SUGCT: variants seen among roughly 807,000 people sequenced by gnomAD.
SUGCT encodes succinyl-CoA:glutarate CoA-transferase.
In SUGCT, 41 loss-of-function variants were observed where a neutral mutation model predicts 55.0. The ratio of observed to expected loss-of-function variants is 0.74; its 90% CI spans 0.58 to 0.97. The LOEUF (loss-of-function observed/expected upper bound fraction) is 0.97. Ranked by LOEUF, SUGCT falls within the 50% of genes least tolerant of loss-of-function variation. The pLI, the probability that SUGCT is intolerant of heterozygous loss-of-function variation, is 0.00. For synonymous variants in SUGCT, 187 were observed against 200.4 expected, an observed-to-expected ratio of 0.93 and a Z score of 0.56; for missense variants, 568 against 547.8, an observed-to-expected ratio of 1.04 and a Z score of -0.37.
At chr7:40,847,411 CTTTTTTT>C (rs981613426) in intron 13 of SUGCT, among the ~76,000 whole-genome samples, 11 of 75,386 alleles carry the variant, frequency 1.5e-4, no homozygotes, top group Admixed American at 6.6e-4. Flanking sequence ...TTCTTTCTTT[CTTTTTTT>C]TTTTTTTTTT....
rs1168316176 is a variant in SUGCT at position 40,245,423 on chromosome 7, A to ATTTTT, written c.576+7727_576+7731dup. On this transcript the variant is annotated intron_variant, in intron 7 of 13. Coordinates refer to ENST00000335693, the MANE Select transcript of SUGCT (RefSeq NM_001193313.2). ...AGTAGACATATATATATATATATAT[A>ATTTTT]TTTTTTTTTTTTTTTTTTTTTTTTT... Among the ~76,000 whole-genome samples the ATTTTT allele has an allele frequency of 1.6e-4, 9 of 54,570 alleles. 1 individual carries two copies. The highest frequency in any genetic ancestry group is 5.4e-4 in the South Asian group (1 of 1,860). The allele number at this position is 54,570 out of a possible 152,430, so 35.8% of individuals were successfully genotyped here.
intron 8 of SUGCT, among the ~76,000 whole-genome samples, chr7:40,304,196 C>T (rs1794713662): frequency 6.6e-6 from 1 of 152,048 alleles, no homozygotes; most frequent in South Asian, 2.1e-4. Flanking sequence ...GGATGTGAAG[C>T]CCTTCCCAGA....
chr7:40,750,121 A>G (rs1442834773), intron 13 of SUGCT, among the ~76,000 whole-genome samples: 2 of 152,228 alleles, frequency 1.3e-5, no homozygotes, highest in East Asian at 3.9e-4. Flanking sequence ...CAGTAGCCTC[A>G]TGCCTACTCT....
At chr7:40,729,521 G>A (rs545349804) in intron 12 of SUGCT, among the ~76,000 whole-genome samples, 2 of 152,314 alleles carry the variant, frequency 1.3e-5, no homozygotes, top group South Asian at 4.1e-4. Flanking sequence ...AGGTGGTGGT[G>A]AGTGGAAGCA....
At chr7:40,549,315 T>C (rs549208808) in intron 12 of SUGCT, among the ~76,000 whole-genome samples, 2 of 152,310 alleles carry the variant, frequency 1.3e-5, no homozygotes, top group South Asian at 4.1e-4. Flanking sequence ...TAATGAATTA[T>C]GAATAGAAAA....
intron 12 of SUGCT, among the ~76,000 whole-genome samples, chr7:40,542,447 G>A (rs1345428648): frequency 6.6e-6 from 1 of 152,110 alleles, no homozygotes; most frequent in African/African-American, 2.4e-5. Context: ...AGATGCAGAG[G>A]GTCTTGGCGA....
chr7:40,335,559 T>C (rs1217808981), intron 9 of SUGCT, among the ~76,000 whole-genome samples: 2 of 152,158 alleles, frequency 1.3e-5, no homozygotes, highest in Admixed American at 1.3e-4. Context: ...TGTCTGTTAT[T>C]GGTGTATAAG....
At chr7:40,722,303 G>T (rs987556459) in intron 12 of SUGCT, among the ~76,000 whole-genome samples, 2 of 152,114 alleles carry the variant, frequency 1.3e-5, no homozygotes, top group Non-Finnish European at 2.9e-5. Context: ...CCTTGCTCAC[G>T]CTTATACTAT....
chr7:40,190,927 A>C (rs1196822749), intron 5 of SUGCT, among the ~76,000 whole-genome samples: 1 of 152,182 alleles, frequency 6.6e-6, no homozygotes, highest in Non-Finnish European at 1.5e-5. Flanking sequence ...TTGGTTGAAA[A>C]GAATCCACCT....
intron 13 of SUGCT, among the ~76,000 whole-genome samples, chr7:40,823,265 AG>A (rs1456201071): frequency 3.3e-5 from 5 of 152,164 alleles, no homozygotes; most frequent in Non-Finnish European, 7.4e-5. Context: ...CTTTGTTAAA[AG>A]GTCACTCCGA....
At chr7:40,245,102 T>A (rs538590379) in intron 7 of SUGCT, among the ~76,000 whole-genome samples, 1 of 152,090 alleles carries the variant, frequency 6.6e-6, no homozygotes, top group Admixed American at 6.6e-5. Flanking sequence ...TTGCCCAGGC[T>A]GGAGTGCAGT....
chr7:40,682,500 A>G (rs1784297365), intron 12 of SUGCT, among the ~76,000 whole-genome samples: 1 of 152,120 alleles, frequency 6.6e-6, no homozygotes. Flanking sequence ...AATCCGTGTG[A>G]TCTGCTGCTG....
intron 8 of SUGCT, among the ~76,000 whole-genome samples, chr7:40,282,041 G>A (rs1326992216): frequency 6.6e-6 from 1 of 152,012 alleles, no homozygotes; most frequent in African/African-American, 2.4e-5. Flanking sequence ...GGCTGTTCTC[G>A]AACTCCTGAC....
chr7:41,033,470 G>A, the SUGCT span, among the ~76,000 whole-genome samples: 129 of 152,204 alleles, frequency 8.5e-4, 1 homozygote, highest in African/African-American at 2.9e-3. Flanking sequence ...ACCCAAACAT[G>A]TTAACTCATC....
chr7:40,164,980 C>T (rs1784353418), intron 1 of SUGCT, among the ~76,000 whole-genome samples: 1 of 152,128 alleles, frequency 6.6e-6, no homozygotes, highest in African/African-American at 2.4e-5. Context: ...TCCTATCAAA[C>T]TAGGTTGTTA....
At chr7:40,334,888 C>T (rs541739540) in intron 9 of SUGCT, among the ~76,000 whole-genome samples, 2 of 152,322 alleles carry the variant, frequency 1.3e-5, no homozygotes, top group East Asian at 3.9e-4. Flanking sequence ...GGTTTTAGGT[C>T]TGACATTTAA....
intron 9 of SUGCT, among the ~76,000 whole-genome samples, chr7:40,332,647 T>C (rs1245270213): frequency 1.2e-4 from 18 of 152,306 alleles, no homozygotes; most frequent in East Asian, 5.8e-4. Flanking sequence ...ACAAAACTTA[T>C]AATAGTGTTA....
chr7:40,537,799 T>A (rs1020462314), intron 12 of SUGCT, among the ~76,000 whole-genome samples: 2 of 152,210 alleles, frequency 1.3e-5, no homozygotes, highest in African/African-American at 2.4e-5. Flanking sequence ...GCGATTTTTT[T>A]AAGAAGTCCA....
chr7:40,436,004 C>T (rs1168314970), intron 9 of SUGCT, among the ~76,000 whole-genome samples: 5 of 146,166 alleles, frequency 3.4e-5, no homozygotes, highest in Non-Finnish European at 6.0e-5. Context: ...AGTACAGTGG[C>T]ACAATCTCAG....
Sources: allele counts gnomAD v4.1 joint callset (sites outside exome capture counted in the v4.1 genomes callset), GRCh38; gene constraint gnomAD v4.1.1; transcripts MANE v1.5; gene names NCBI Gene and HGNC (gene_info 2026-07-23, HGNC 2026-07-21).